CLYBL: variants seen among roughly 807,000 people sequenced by gnomAD.
CLYBL encodes the protein citramalyl-CoA lyase, mitochondrial.
In CLYBL, 31 loss-of-function variants were observed where a neutral mutation model predicts 38.9. That is an observed-to-expected ratio of 0.80 (90% CI 0.60 to 1.08). CLYBL has a LOEUF of 1.08. Among genes scored for constraint, CLYBL ranks in the 50% least tolerant of loss-of-function variants. CLYBL has a pLI of 0.00. For synonymous variants in CLYBL, 171 were observed against 158.6 expected, an observed-to-expected ratio of 1.08 and a Z score of -0.59; for missense variants, 434 against 411.6, an observed-to-expected ratio of 1.05 and a Z score of -0.47.
chr13:99,863,880 C>T (rs1252631840), intron 4 of CLYBL, among the ~76,000 whole-genome samples: 1 of 152,124 alleles, frequency 6.6e-6, no homozygotes, highest in African/African-American at 2.4e-5. Flanking sequence ...ACAGAAAAAA[C>T]ATAGTCGAAC....
intron 1 of CLYBL, among the ~76,000 whole-genome samples, chr13:99,722,301 G>A (rs2048405015): frequency 6.6e-6 from 1 of 152,196 alleles, no homozygotes; most frequent in Admixed American, 6.5e-5. Context: ...AGGGCTGACA[G>A]CCCTCGGTGG....
chr13:99,852,726 CT>C (rs60799458), intron 2 of CLYBL, among the ~76,000 whole-genome samples: 3 of 151,808 alleles, frequency 2.0e-5, no homozygotes, highest in Non-Finnish European at 4.4e-5. Flanking sequence ...TTTTAGGGTG[CT>C]TTCCCCCCTA....
At chr13:99,700,770 A>G (rs1481227889) in intron 1 of CLYBL, among the ~76,000 whole-genome samples, 1 of 152,240 alleles carries the variant, frequency 6.6e-6, no homozygotes, top group African/African-American at 2.4e-5. Context: ...ATAAGTAAAC[A>G]TAATGCCTCA....
rs988978282 is a variant in CLYBL, at chr13:99,765,669, G to T, written c.63-7155G>T. Among the ~76,000 whole-genome samples the T allele has an allele frequency of 4.0e-5, 6 of 151,842 alleles. No homozygotes were observed. The South Asian group carries it at 1.3e-3, about 32-fold the overall frequency. Reference sequence around the variant, plus strand: ...AGCAAATCCTCCCTCTCAGCCTCCCGAGTAACTGGGACAACAGGCACGTGC... The same window carrying T: ...AGCAAATCCTCCCTCTCAGCCTCCCTAGTAACTGGGACAACAGGCACGTGC... On this transcript the variant is annotated intron_variant, in intron 1 of 8. Coordinates refer to ENST00000339105, the MANE Select transcript of CLYBL (RefSeq NM_206808.5).
intron 1 of CLYBL, among the ~76,000 whole-genome samples, chr13:99,615,218 A>T (rs190894141): frequency 2.6e-5 from 4 of 152,230 alleles, no homozygotes; most frequent in African/African-American, 9.6e-5. Context: ...CCACGGTCTG[A>T]CTGATATACT....
At chr13:99,707,521 C>T (rs574967362) in intron 1 of CLYBL, among the ~76,000 whole-genome samples, 2 of 152,178 alleles carry the variant, frequency 1.3e-5, no homozygotes, top group Non-Finnish European at 2.9e-5. Flanking sequence ...ATCTGCCCCC[C>T]TCGGCCTCCC....
chr13:99,889,260 C>T (rs1382355697), intron 7 of CLYBL, among the ~76,000 whole-genome samples: 3 of 152,238 alleles, frequency 2.0e-5, no homozygotes, highest in South Asian at 2.1e-4. Context: ...TTGTTTAAAC[C>T]CTAGCAGGAC....
intron 1 of CLYBL, among the ~76,000 whole-genome samples, chr13:99,771,680 T>C (rs1211161409): frequency 6.6e-6 from 1 of 152,116 alleles, no homozygotes; most frequent in Non-Finnish European, 1.5e-5. Flanking sequence ...ACACTTTTTA[T>C]TTCTACCAGA....
intron 3 of CLYBL, among the ~76,000 whole-genome samples, chr13:99,862,199 T>C (rs1371883100): frequency 6.6e-6 from 1 of 152,224 alleles, no homozygotes; most frequent in Admixed American, 6.5e-5. Flanking sequence ...TTTACAAAAA[T>C]ACCTTTATCA....
intron 1 of CLYBL, among the ~76,000 whole-genome samples, chr13:99,621,126 C>T (rs1429866560): frequency 6.6e-6 from 1 of 152,144 alleles, no homozygotes; most frequent in Admixed American, 6.6e-5. Context: ...CTTCTCCCCA[C>T]CCCTGAACAC....
chr13:99,613,587 C>T (rs1167801286), intron 1 of CLYBL, among the ~76,000 whole-genome samples: 1 of 151,834 alleles, frequency 6.6e-6, no homozygotes, highest in Non-Finnish European at 1.5e-5. Flanking sequence ...AAAGGGAGGA[C>T]AGAGGTGGGA....
intron 2 of CLYBL, among the ~76,000 whole-genome samples, chr13:99,840,714 C>T (rs1353915027): frequency 3.2e-5 from 4 of 124,278 alleles, no homozygotes; most frequent in African/African-American, 1.2e-4. Context: ...CGTACCACTG[C>T]ACTCCAGTCT....
intron 1 of CLYBL, among the ~76,000 whole-genome samples, chr13:99,707,205 C>A (rs2048159794): frequency 6.6e-6 from 1 of 152,152 alleles, no homozygotes; most frequent in Non-Finnish European, 1.5e-5. Flanking sequence ...AGACTTTTTT[C>A]TTCCAAACAC....
chr13:99,653,481 C>G (rs1176496909), intron 1 of CLYBL, among the ~76,000 whole-genome samples: 2 of 152,168 alleles, frequency 1.3e-5, no homozygotes, highest in East Asian at 3.8e-4. Flanking sequence ...TCTCTGCCTC[C>G]CTCTACTCAT....
chr13:99,885,292 G>A (rs2052322572), intron 7 of CLYBL, among the ~76,000 whole-genome samples: 2 of 152,214 alleles, frequency 1.3e-5, no homozygotes, highest in Admixed American at 1.3e-4. Context: ...TTGACATCTG[G>A]AAGCATCAGG....
At chr13:99,734,248 C>T (rs1413987439) in intron 1 of CLYBL, among the ~76,000 whole-genome samples, 4 of 152,066 alleles carry the variant, frequency 2.6e-5, no homozygotes, top group Non-Finnish European at 5.9e-5. Flanking sequence ...GAGCAGAGAG[C>T]CCTCAAAAGC....
At chr13:99,676,190 T>A (rs9585181) in intron 1 of CLYBL, among the ~76,000 whole-genome samples, 2 of 20,512 alleles carry the variant, frequency 9.8e-5, no homozygotes, top group African/African-American at 1.8e-4. Flanking sequence ...CCGTCCGTCC[T>A]TCCTTCCTTC....
chr13:99,610,981 A>G (rs1055606905), intron 1 of CLYBL, among the ~76,000 whole-genome samples: 1 of 152,238 alleles, frequency 6.6e-6, no homozygotes, highest in Non-Finnish European at 1.5e-5. Flanking sequence ...CAGTTTTACA[A>G]GTAGGGTCTT....
chr13:99,787,675 C>T (rs1241352519), intron 2 of CLYBL, among the ~76,000 whole-genome samples: 2 of 152,088 alleles, frequency 1.3e-5, no homozygotes, highest in Non-Finnish European at 2.9e-5. Context: ...ATTGACTTGG[C>T]GATGCGGATT....
Sources: gnomAD v4.1 joint callset for allele counts (sites outside exome capture counted in the v4.1 genomes callset) on GRCh38, gnomAD v4.1.1 for gene constraint, MANE v1.5 for transcripts, NCBI Gene and HGNC (gene_info 2026-07-23, HGNC 2026-07-21) for gene names.